The following NALF1 variants were observed in gnomAD, a reference collection of about 807,000 sequenced individuals.
NALF1 encodes family with sequence similarity 155 member A.
In NALF1, 3 loss-of-function variants were observed where a neutral mutation model predicts 48.4. The ratio of observed to expected loss-of-function variants is 0.06; its 90% confidence interval spans 0.03 to 0.16. NALF1 has a LOEUF of 0.16. Among genes scored for constraint, NALF1 ranks in the 10% least tolerant of loss-of-function variants. The pLI, the probability that NALF1 is intolerant of heterozygous loss-of-function variation, is 1.00. For missense variants in NALF1, 526 were observed against 571.5 expected (o/e 0.92, Z 0.81); for synonymous variants, 262 against 245.7 (o/e 1.07, Z -0.62).
At chr13:107,494,868 A>C (rs770479329) in intron 1 of NALF1, among the ~76,000 whole-genome samples, 36 of 152,200 alleles carry the variant, frequency 2.4e-4, no homozygotes, top group Non-Finnish European at 3.8e-4. Context: ...AATACTGAAC[A>C]ATATATGGAA....
chr13:107,626,003 G>A (rs1433899812), intron 1 of NALF1, among the ~76,000 whole-genome samples: 1 of 152,022 alleles, frequency 6.6e-6, no homozygotes, highest in Non-Finnish European at 1.5e-5. Context: ...TATTTTAAAA[G>A]AAGTATTCAT....
chr13:107,556,842 A>T (rs1877497953), intron 1 of NALF1, among the ~76,000 whole-genome samples: 1 of 152,190 alleles, frequency 6.6e-6, no homozygotes, highest in Admixed American at 6.5e-5. Context: ...AATATGATGA[A>T]GAAGAAAGAC....
chr13:107,774,926 T>C (rs1180324021), intron 1 of NALF1, among the ~76,000 whole-genome samples: 1 of 152,170 alleles, frequency 6.6e-6, no homozygotes, highest in Non-Finnish European at 1.5e-5. Flanking sequence ...AGAGATCACA[T>C]CATACTACAG....
intron 1 of NALF1, among the ~76,000 whole-genome samples, chr13:107,768,236 A>AT (rs1465454266): frequency 6.6e-6 from 1 of 152,222 alleles, no homozygotes; most frequent in African/African-American, 2.4e-5. Context: ...CTGGCACAAA[A>AT]TAAGCACCCA....
intron 1 of NALF1, among the ~76,000 whole-genome samples, chr13:107,621,167 T>C (rs1879507718): frequency 6.6e-6 from 1 of 152,194 alleles, no homozygotes; most frequent in Admixed American, 6.5e-5. Context: ...TCCCAGCAAC[T>C]CCATCACATT....
chr13:107,414,616 TG>T (rs1449571177), intron 1 of NALF1, among the ~76,000 whole-genome samples: 1 of 151,860 alleles, frequency 6.6e-6, no homozygotes, highest in Non-Finnish European at 1.5e-5. Context: ...TTGAGTTTTC[TG>T]GGGATAAAAT....
intron 1 of NALF1, among the ~76,000 whole-genome samples, chr13:107,820,464 G>A (rs1265274737): frequency 2.0e-5 from 3 of 152,130 alleles, no homozygotes; most frequent in African/African-American, 7.2e-5. Context: ...CACATAAGCA[G>A]ACTGAAATTG....
intron 1 of NALF1, among the ~76,000 whole-genome samples, chr13:107,333,246 T>C (rs1445606214): frequency 6.6e-6 from 1 of 152,166 alleles, no homozygotes; most frequent in Non-Finnish European, 1.5e-5. Context: ...CTATAACCCA[T>C]GCCCAAATGA....
intron 1 of NALF1, among the ~76,000 whole-genome samples, chr13:107,635,272 G>A (rs1879944035): frequency 6.6e-6 from 1 of 152,016 alleles, no homozygotes; most frequent in African/African-American, 2.4e-5. Flanking sequence ...GTTCCTCATG[G>A]CTCGGGAGGC....
intron 1 of NALF1, among the ~76,000 whole-genome samples, chr13:107,583,208 CAT>C (rs896342867): frequency 6.6e-6 from 1 of 151,794 alleles, no homozygotes; most frequent in Non-Finnish European, 1.5e-5. Flanking sequence ...ATTTATGAAA[CAT>C]AATGTTATAT....
rs1165813254 is a variant in NALF1 at position 107,866,979 on chromosome 13, A to T, written c.-383T>A. On this transcript the variant is annotated 5_prime_UTR_variant, in exon 1 of 3. Transcript: ENST00000375915. This position sits in a 1 kb window ranked among gnomAD's most constrained non-coding sequence, Gnocchi z 4.4. ...GGCTGGGTGCAGGGGGCGATGGTGGAGGTGACAGGGTGGCTGGCGCGGCTC... is the reference window on the plus strand; with the variant it reads ...GGCTGGGTGCAGGGGGCGATGGTGGTGGTGACAGGGTGGCTGGCGCGGCTC... Among the ~76,000 whole-genome samples the T allele has an allele frequency of 1.3e-5, 2 of 151,242 alleles. No homozygotes were observed. The highest frequency in any genetic ancestry group is 3.0e-5 in the Non-Finnish European group (2 of 67,752).
chr13:107,233,255 C>T (rs1450413702), intron 1 of NALF1, among the ~76,000 whole-genome samples: 1 of 152,210 alleles, frequency 6.6e-6, no homozygotes, highest in Middle Eastern at 3.4e-3. Flanking sequence ...CATATACCAG[C>T]AAGAAATTTG....
At chr13:107,181,341 A>T (rs78273177) in intron 2 of NALF1, among the ~76,000 whole-genome samples, 5,612 of 151,556 alleles carry the variant, frequency 0.037, 359 homozygotes, top group African/African-American at 0.12. Flanking sequence ...ACTGCTCTAA[A>T]TGTATTCTTA....
At chr13:107,283,004 T>C (rs1881418422) in intron 1 of NALF1, among the ~76,000 whole-genome samples, 1 of 152,214 alleles carries the variant, frequency 6.6e-6, no homozygotes, top group African/African-American at 2.4e-5. Flanking sequence ...AAAACTTCAG[T>C]ATTCACTGGA....
intron 1 of NALF1, among the ~76,000 whole-genome samples, chr13:107,427,747 A>G (rs1048187380): frequency 3.9e-5 from 6 of 152,154 alleles, no homozygotes; most frequent in African/African-American, 1.2e-4. Context: ...TTCAGACCCA[A>G]TCACCAAGCT....
chr13:107,644,020 A>T (rs1418300983), intron 1 of NALF1, among the ~76,000 whole-genome samples: 1 of 151,406 alleles, frequency 6.6e-6, no homozygotes, highest in Non-Finnish European at 1.5e-5. Context: ...TTTCTGAAGA[A>T]TTACAAATGT....
chr13:107,799,781 G>C (rs182480921), intron 1 of NALF1, among the ~76,000 whole-genome samples: 138 of 152,270 alleles, frequency 9.1e-4, no homozygotes, highest in Non-Finnish European at 1.6e-3. Context: ...AGCAACCTCG[G>C]GGTTCCAGAT....
chr13:107,430,957 A>T (rs1284935517), intron 1 of NALF1, among the ~76,000 whole-genome samples: 3 of 152,038 alleles, frequency 2.0e-5, no homozygotes, highest in Non-Finnish European at 4.4e-5. Context: ...CCTCTCCAGC[A>T]CCTGTTTTTT....
chr13:107,866,332 G>GCTGCCT lies in NALF1; in HGVS notation c.259_264dup (p.Arg89_Gln90dup). The GCTGCCT allele has an allele frequency of 6.2e-7, 1 of 1,609,522 alleles. No homozygotes were observed. Among genetic ancestry groups the GCTGCCT allele is most frequent in the East Asian group, 2.2e-5 (1 of 44,778 alleles). ...CGCCGCTGCTGCTGCTGCTGCTGCCGCTGCCTCTGCTGCTGCTGCTGCTGC... is the reference window on the plus strand; with the variant it reads ...CGCCGCTGCTGCTGCTGCTGCTGCCGCTGCCTCTGCCTCTGCTGCTGCTGCTGCTGC... On this transcript the variant is annotated inframe_insertion, in exon 1 of 3. Coordinates refer to ENST00000375915, the MANE Select transcript of NALF1 (RefSeq NM_001080396.3). This position sits in a 1 kb window ranked among gnomAD's most constrained non-coding sequence, Gnocchi z 4.4.
Sources: gnomAD v4.1 joint callset for allele counts (sites outside exome capture counted in the v4.1 genomes callset) on GRCh38, gnomAD v4.1.1 for gene constraint, Gnocchi (gnomAD v3.1) non-coding constraint, MANE v1.5 for transcripts, NCBI Gene and HGNC (gene_info 2026-07-23, HGNC 2026-07-21) for gene names.